Variants in MAP7 observed in about 807,000 individuals in gnomAD.
MAP7 encodes the protein microtubule associated protein 7, also known as ensconsin.
A neutral mutation model predicts 94.8 loss-of-function variants in MAP7; 52 were observed. The ratio of observed to expected loss-of-function variants is 0.55; its 90% CI spans 0.44 to 0.69. The LOEUF is 0.69. Ranked by LOEUF, MAP7 falls within the 30% of genes least tolerant of loss-of-function variation. The pLI is 0.00. For missense variants in MAP7, 940 were observed against 964.6 expected (o/e 0.97, Z 0.34); for synonymous variants, 350 against 357.0 (o/e 0.98, Z 0.22).
At position 136,374,189 on chromosome 6, in the gene MAP7, G is replaced by T. The variant is rs548433783; in HGVS notation, c.752-1564C>A. 1.4e-4 allele frequency among the ~76,000 whole-genome samples: 22 copies of T among 152,278 alleles called. 1 individual carries two copies. The South Asian group carries it at 4.4e-3, about 30-fold the overall frequency. Reference sequence around the variant, plus strand: ...TATATGTACGTCTTAATTGGAAACTGACATAAAGCTTTACTTCCAACCTTA... The same window carrying T: ...TATATGTACGTCTTAATTGGAAACTTACATAAAGCTTTACTTCCAACCTTA... On this transcript the variant is annotated intron_variant, in intron 7 of 17. Transcript: ENST00000354570.
intron 3 of MAP7, among the ~76,000 whole-genome samples, chr6:136,403,332 T>C (rs1784705441): frequency 6.6e-6 from 1 of 152,226 alleles, no homozygotes; most frequent in Non-Finnish European, 1.5e-5. Context: ...TTTATAGGCA[T>C]TGTCTTTGCA....
At chr6:136,351,954 G>C (rs1379138295) in intron 16 of MAP7, among the ~76,000 whole-genome samples, 1 of 152,088 alleles carries the variant, frequency 6.6e-6, no homozygotes, top group East Asian at 1.9e-4. Context: ...CCCCCACTGG[G>C]GCAGATTCAT....
chr6:136,467,207 C>A (rs1025824036), intron 1 of MAP7, among the ~76,000 whole-genome samples: 1 of 152,214 alleles, frequency 6.6e-6, no homozygotes, highest in African/African-American at 2.4e-5. Flanking sequence ...CCAAAATCAT[C>A]TAAACATTAC....
chr6:136,393,239 C>T (rs531067185), intron 3 of MAP7, among the ~76,000 whole-genome samples: 1 of 152,272 alleles, frequency 6.6e-6, no homozygotes, highest in African/African-American at 2.4e-5. Flanking sequence ...CCCATCAAAC[C>T]ATGCTTCTCC....
chr6:136,427,130 A>T (rs1793413744), intron 1 of MAP7, among the ~76,000 whole-genome samples: 1 of 152,218 alleles, frequency 6.6e-6, no homozygotes, highest in African/African-American at 2.4e-5. Context: ...TCCCTGAAGA[A>T]ACAAGAAGTA....
intron 1 of MAP7, among the ~76,000 whole-genome samples, chr6:136,536,813 A>G (rs975588655): frequency 3.3e-5 from 5 of 152,244 alleles, no homozygotes; most frequent in Non-Finnish European, 7.4e-5. Flanking sequence ...TTGAATGAAC[A>G]TGTTTCCAGA....
rs763705463 is a variant in MAP7, at chr6:136,365,893, A to T, written c.1115T>A (p.Val372Asp). The T allele has an allele frequency of 3.7e-6, 6 of 1,613,896 alleles. No homozygotes were observed. Among genetic ancestry groups the T allele is most frequent in the Admixed American group, 1.7e-5 (1 of 59,986 alleles). The change falls in exon 10 of 18, where the codon GTC (valine) becomes GAC (aspartate). Residue 372 changes from valine (V) to aspartate (D), a missense_variant. Val to Asp is a radical substitution (Grantham distance 152). Transcript: ENST00000354570. ...AGGCTCCACTTTGACTTCCCTCTTG[A>T]CAGGGCGGATGTTGCCGGGGGATGG... ...RPPSPGNIRP[V>D]KREVKVEPEK...
In MAP7 at chr6:136,478,318, C is replaced by T. The variant is rs114457849; in HGVS notation, c.68-56519G>A. On this transcript the variant is annotated intron_variant, in intron 1 of 17. Transcript: ENST00000354570. ...ATAAAATTGGCCAGGTGTGGTGGCT[C>T]AGGCCTGTAATCCCACCATTTTCGG... Among the ~76,000 whole-genome samples the T allele has an allele frequency of 5.3e-3, 802 of 152,178 alleles. 10 individuals are homozygous for T. The highest frequency in any genetic ancestry group is 0.018 in the African/African-American group (760 of 41,524).
At chr6:136,348,734 GAAC>G (rs1169552786) in intron 16 of MAP7, among the ~76,000 whole-genome samples, 1 of 152,136 alleles carries the variant, frequency 6.6e-6, no homozygotes, top group Non-Finnish European at 1.5e-5. Flanking sequence ...CTTCCTGTGT[GAAC>G]AATAGGGGCC....
chr6:136,539,917 T>A lies in MAP7; in HGVS notation c.67+10425A>T, dbSNP rs759152194. 7.2e-5 allele frequency among the ~76,000 whole-genome samples: 11 copies of A among 152,278 alleles called. 1 individual carries two copies. The South Asian group carries it at 1.0e-3, about 14-fold the overall frequency. ...TAGCTTGAGACCAAGAGGTCAAGGC[T>A]GTAGTAAGTCAGGATTGTGCCACTG... On this transcript the variant is annotated intron_variant, in intron 1 of 17. Transcript: ENST00000354570.
At position 136,504,436 on chromosome 6, in the gene MAP7, C is replaced by T. The variant is rs984862155; in HGVS notation, c.67+45906G>A. Among the ~76,000 whole-genome samples, 8 of 151,980 alleles carry T rather than the reference C, an allele frequency of 5.3e-5. No individual in the cohort carries two copies. In the South Asian group the frequency reaches 1.0e-3, roughly 20 times the overall value. On this transcript the variant is annotated intron_variant, in intron 1 of 17. Coordinates refer to ENST00000354570, the MANE Select transcript of MAP7 (RefSeq NM_003980.6). The stretch of plus-strand genomic sequence containing the variant: ...CAATCTTGGCTCACTGCAACCTCCA[C>T]GTCCTGGGTTCTGGCAATTCTCTTG...
intron 1 of MAP7, among the ~76,000 whole-genome samples, chr6:136,467,183 A>G (rs1237456072): frequency 6.6e-6 from 1 of 152,200 alleles, no homozygotes; most frequent in Non-Finnish European, 1.5e-5. Flanking sequence ...ATACATTAAA[A>G]ACTTAGCTGT....
chr6:136,411,047 A>T (rs1210195413), intron 3 of MAP7, among the ~76,000 whole-genome samples: 1 of 152,256 alleles, frequency 6.6e-6, no homozygotes, highest in Non-Finnish European at 1.5e-5. Flanking sequence ...GTTTTAGAAG[A>T]CAATGACTGT....
intron 1 of MAP7, among the ~76,000 whole-genome samples, chr6:136,511,887 A>G (rs1050348893): frequency 9.9e-5 from 15 of 152,216 alleles, no homozygotes; most frequent in Non-Finnish European, 2.1e-4. Flanking sequence ...ACGTTTTATA[A>G]TAAGCTCTGG....
At chr6:136,431,015 A>AG (rs1794742771) in intron 1 of MAP7, among the ~76,000 whole-genome samples, 1 of 152,204 alleles carries the variant, frequency 6.6e-6, no homozygotes. Context: ...AGTTTACATG[A>AG]GGGGCCACGC....
At chr6:136,539,608 T>C (rs1360576629) in intron 1 of MAP7, among the ~76,000 whole-genome samples, 1 of 152,160 alleles carries the variant, frequency 6.6e-6, no homozygotes, top group African/African-American at 2.4e-5. Context: ...CTGCCAAAGG[T>C]AAGCCCTCCC....
intron 1 of MAP7, among the ~76,000 whole-genome samples, chr6:136,514,767 A>G (rs1304430808): frequency 6.6e-6 from 1 of 152,180 alleles, no homozygotes; most frequent in Admixed American, 6.5e-5. Flanking sequence ...ACGTGCTGTC[A>G]TCCAGGCTTT....
chr6:136,367,118 C>T (rs1401900511), intron 8 of MAP7, among the ~76,000 whole-genome samples: 2 of 152,230 alleles, frequency 1.3e-5, no homozygotes, highest in African/African-American at 4.8e-5. Context: ...GCCAAAACAT[C>T]ACCCCTCCCT....
intron 3 of MAP7, among the ~76,000 whole-genome samples, chr6:136,394,686 A>G (rs1011918985): frequency 6.6e-6 from 1 of 151,374 alleles, no homozygotes; most frequent in African/African-American, 2.4e-5. Context: ...ATCTAGCTGT[A>G]TTTTGTAACC....
Sources: gnomAD v4.1 joint callset for allele counts (sites outside exome capture counted in the v4.1 genomes callset) on GRCh38, gnomAD v4.1.1 for gene constraint, MANE v1.5 for transcripts, NCBI Gene and HGNC (gene_info 2026-07-23, HGNC 2026-07-21) for gene names.